MAP2K1: variants seen among roughly 807,000 people sequenced by gnomAD.
MAP2K1 encodes the protein mitogen-activated protein kinase kinase 1, also known as dual specificity mitogen-activated protein kinase kinase 1.
Under a neutral mutation model 46.3 loss-of-function variants are expected in MAP2K1, and 16 were observed. The observed-to-expected ratio is 0.35, with a 90% CI of 0.23 to 0.52. MAP2K1 has a LOEUF of 0.52. MAP2K1 is among the 20% of genes least tolerant of loss of function. The pLI is 0.94. For missense variants in MAP2K1, 263 were observed against 497.1 expected, an observed-to-expected ratio of 0.53 and a Z score of 4.48; for synonymous variants, 183 against 185.6, an observed-to-expected ratio of 0.99 and a Z score of 0.11.
At chr15:66,481,397 A>C (rs1319607580) in intron 5 of MAP2K1, among the ~76,000 whole-genome samples, 1 of 152,088 alleles carries the variant, frequency 6.6e-6, no homozygotes, top group South Asian at 2.1e-4. Context: ...CATAGATACT[A>C]TATCTTACCA....
At chr15:66,416,948 G>A (rs889786293) in intron 1 of MAP2K1, among the ~76,000 whole-genome samples, 2 of 151,988 alleles carry the variant, frequency 1.3e-5, no homozygotes, top group African/African-American at 2.4e-5. Flanking sequence ...ATTTTGCAAC[G>A]TAATTCAGCT....
At chr15:66,482,278 C>T (rs559036344) in intron 6 of MAP2K1, among the ~76,000 whole-genome samples, 1 of 152,322 alleles carries the variant, frequency 6.6e-6, no homozygotes, top group East Asian at 1.9e-4. Context: ...TAGACAGCAT[C>T]ATCTCCCTGG....
At chr15:66,481,919 G>C (rs2140668633) in intron 6 of MAP2K1, 40 bp downstream of exon 6, 1 of 1,605,746 alleles carries the variant, frequency 6.2e-7, no homozygotes, top group Non-Finnish European at 8.5e-7. Flanking sequence ...TTCTTGTACG[G>C]TCAGGGAGAG....
intron 5 of MAP2K1, among the ~76,000 whole-genome samples, chr15:66,479,377 C>T (rs1286936352): frequency 2.6e-5 from 4 of 152,274 alleles, no homozygotes; most frequent in South Asian, 4.1e-4. Context: ...GGATTACAGG[C>T]GTGAGCCACC....
chr15:66,466,262 A>G (rs955794386), intron 5 of MAP2K1, among the ~76,000 whole-genome samples: 1 of 152,262 alleles, frequency 6.6e-6, no homozygotes, highest in Non-Finnish European at 1.5e-5. Flanking sequence ...TTTATTGCAC[A>G]TATGCAGATA....
At chr15:66,412,924 C>CT (rs2076806366) in intron 1 of MAP2K1, among the ~76,000 whole-genome samples, 1 of 151,918 alleles carries the variant, frequency 6.6e-6, no homozygotes, top group African/African-American at 2.4e-5. Flanking sequence ...TTGACACAGT[C>CT]TCTCTCTGTC....
At chr15:66,425,101 T>C (rs1336081204) in intron 1 of MAP2K1, among the ~76,000 whole-genome samples, 2 of 152,044 alleles carry the variant, frequency 1.3e-5, no homozygotes, top group African/African-American at 4.8e-5. Flanking sequence ...CAGCCTCCCG[T>C]CTCCATCTTT....
intron 5 of MAP2K1, among the ~76,000 whole-genome samples, chr15:66,460,014 A>G (rs1300337948): frequency 2.6e-5 from 4 of 152,138 alleles, no homozygotes; most frequent in African/African-American, 9.7e-5. Context: ...GTGACTAAGG[A>G]CTGTTGTCTG....
At chr15:66,443,156 G>A (rs911723090) in intron 3 of MAP2K1, 124 bp from the exon 4 acceptor site, 8 of 586,464 alleles carry the variant, frequency 1.4e-5, no homozygotes, top group Admixed American at 2.3e-5. Flanking sequence ...GTGTGATCTC[G>A]GCTCACTGCA....
chr15:66,458,000 C>G (rs1019854485), intron 5 of MAP2K1, among the ~76,000 whole-genome samples: 1 of 150,880 alleles, frequency 6.6e-6, no homozygotes, highest in Non-Finnish European at 1.5e-5. Flanking sequence ...CAAAACTAAA[C>G]TTTTAAATGT....
chr15:66,475,764 A>C (rs180836368), intron 5 of MAP2K1, among the ~76,000 whole-genome samples: 1 of 152,284 alleles, frequency 6.6e-6, no homozygotes, highest in African/African-American at 2.4e-5. Context: ...GGCCTTGACC[A>C]CATCTTCATC....
At chr15:66,454,883 GA>G (rs371994924) in intron 5 of MAP2K1, among the ~76,000 whole-genome samples, 4,244 of 139,976 alleles carry the variant, frequency 0.03, 87 homozygotes, top group Non-Finnish European at 0.046. Context: ...ACTCTGTCTC[GA>G]AAAAAAAAAA....
At chr15:66,485,676 C>T (rs969859389) in intron 7 of MAP2K1, among the ~76,000 whole-genome samples, 3 of 151,970 alleles carry the variant, frequency 2.0e-5, no homozygotes, top group Admixed American at 6.6e-5. Context: ...CCTCCCAGGC[C>T]CAAGTGATCT....
intron 5 of MAP2K1, among the ~76,000 whole-genome samples, chr15:66,452,300 A>AAAG (rs1555417524): frequency 2.3e-4 from 11 of 48,366 alleles, no homozygotes; most frequent in African/African-American, 8.3e-4. Context: ...AAAAAAAAAA[A>AAAG]AAAGAAAAAA....
chr15:66,444,168 G>C (rs569958339), intron 4 of MAP2K1, among the ~76,000 whole-genome samples: 3 of 151,460 alleles, frequency 2.0e-5, no homozygotes, highest in African/African-American at 4.9e-5. Flanking sequence ...AACCCGGGAG[G>C]GGGTGGTTGT....
rs1005034251 is a variant in MAP2K1 at position 66,421,113 on chromosome 15, CACACACACACACAT to C, written c.81-13912_81-13899del. On this transcript the variant is annotated intron_variant, in intron 1 of 10. Transcript: ENST00000307102. ...ACACATACACACACACACACACACA[CACACACACACACAT>C]ATATATATATATAAATTTTTTTTTC... Among the ~76,000 whole-genome samples, 47 of 77,854 alleles carry C rather than the reference CACACACACACACAT, an allele frequency of 6.0e-4. No homozygotes were observed. The East Asian group carries it at 6.8e-3, about 11-fold the overall frequency. 51.1% of individuals were successfully genotyped at this position (77,854 alleles called of 152,430 possible).
intron 1 of MAP2K1, chr15:66,401,952 G>A: frequency 7.4e-7 from 1 of 1,346,090 alleles, no homozygotes; most frequent in Non-Finnish European, 9.8e-7. Context: ...GGAGAGGTAG[G>A]CTGAGGTGGT....
chr15:66,388,371 T>G (rs1211337304), intron 1 of MAP2K1, among the ~76,000 whole-genome samples: 1 of 152,150 alleles, frequency 6.6e-6, no homozygotes, highest in Non-Finnish European at 1.5e-5. Context: ...ATTATTATTT[T>G]TTTGCCTTTT....
chr15:66,453,642 C>G, intron 5 of MAP2K1: 1 of 685,808 alleles, frequency 1.5e-6, no homozygotes, highest in Non-Finnish European at 2.6e-6. Flanking sequence ...AGTTCTACCT[C>G]TGTTCTAAAT....
Sources: allele counts gnomAD v4.1 joint callset (sites outside exome capture counted in the v4.1 genomes callset), GRCh38; gene constraint gnomAD v4.1.1; transcripts MANE v1.5; gene names NCBI Gene and HGNC (gene_info 2026-07-23, HGNC 2026-07-21).